RUFY3: variants seen among roughly 807,000 people sequenced by gnomAD.
The protein encoded by RUFY3 is RUN and FYVE domain containing 3.
Under a neutral mutation model 84.0 loss-of-function variants are expected in RUFY3, and 34 were observed. The observed-to-expected ratio is 0.40, with a 90% CI of 0.31 to 0.54. The LOEUF (loss-of-function observed/expected upper bound fraction) is 0.54, where lower values mean the gene tolerates loss of function less well. Ranked by LOEUF, RUFY3 falls within the 20% of genes least tolerant of loss-of-function variation. The probability of loss-of-function intolerance (pLI) is 0.39; values close to 1 mark genes in which losing one functional copy is unlikely to be tolerated. For synonymous variants in RUFY3, 242 were observed against 252.9 expected, an observed-to-expected ratio of 0.96 and a Z score of 0.41; for missense variants, 507 against 736.8, an observed-to-expected ratio of 0.69 and a Z score of 3.61.
chr4:70,786,589 T>C (rs549763171), intron 10 of RUFY3, among the ~76,000 whole-genome samples: 10 of 152,304 alleles, frequency 6.6e-5, no homozygotes, highest in African/African-American at 2.2e-4. Flanking sequence ...TTTAAGATGA[T>C]AGATACATTC....
chr4:70,764,722 A>G, intron 4 of RUFY3, 146 bp downstream of exon 4: 2 of 587,978 alleles, frequency 3.4e-6, no homozygotes, highest in Non-Finnish European at 3.0e-6. Context: ...CCTCACACAC[A>G]TATCCTCCCA....
intron 1 of RUFY3, among the ~76,000 whole-genome samples, chr4:70,740,518 TAG>T (rs1721164918): frequency 6.6e-6 from 1 of 152,172 alleles, no homozygotes; most frequent in Non-Finnish European, 1.5e-5. Context: ...AGGTGACAAA[TAG>T]AGTTTCTAAT....
chr4:70,766,899 C>T (rs1413469835), intron 4 of RUFY3, among the ~76,000 whole-genome samples: 1 of 152,112 alleles, frequency 6.6e-6, no homozygotes, highest in African/African-American at 2.4e-5. Flanking sequence ...ATCTCTCTGT[C>T]CTCCAACCCC....
chr4:70,795,758 A>G (rs543278048), intron 14 of RUFY3, among the ~76,000 whole-genome samples: 1 of 152,330 alleles, frequency 6.6e-6, no homozygotes, highest in Admixed American at 6.5e-5. Flanking sequence ...TAGGAATTTA[A>G]TCATATCAAT....
chr4:70,717,191 G>A (rs541069650), upstream of RUFY3, among the ~76,000 whole-genome samples: 35 of 152,268 alleles, frequency 2.3e-4, no homozygotes, highest in African/African-American at 7.7e-4. Flanking sequence ...TTTAAAAAGC[G>A]TACAATGCAT....
At chr4:70,785,558 G>A (rs1224338884) in intron 10 of RUFY3, among the ~76,000 whole-genome samples, 1 of 152,096 alleles carries the variant, frequency 6.6e-6, no homozygotes, top group African/African-American at 2.4e-5. Flanking sequence ...GCCAGGCACA[G>A]TGGCTCACAC....
Position 70,722,526 on chromosome 4 carries a change from T to C in RUFY3, c.-48T>C. 6.4e-7 allele frequency: 1 copy of C among 1,565,128 alleles called. No individual in the cohort carries two copies. ...TATTTATTTTTTTGGTGTGTGTGTG[T>C]GAGTGTGTGTGTGTCTGTGTGTGTG... is the stretch of plus-strand genomic sequence containing the variant. On this transcript the variant is annotated 5_prime_UTR_variant, in exon 1 of 18. Transcript: ENST00000381006.
At chr4:70,803,257 T>C (rs16845457) in intron 16 of RUFY3, 1 of 341,648 alleles carries the variant, frequency 2.9e-6, no homozygotes, top group East Asian at 4.5e-5. Flanking sequence ...TTTCCTCTAG[T>C]TTTTCCTTAC....
At chr4:70,806,482 C>T in intron 17 of RUFY3, 34 bp from the exon 18 acceptor site, 2 of 1,611,916 alleles carry the variant, frequency 1.2e-6, no homozygotes, top group Non-Finnish European at 1.7e-6. Context: ...CCTTGCTCAT[C>T]TTCTATTCCC....
chr4:70,713,302 C>A (rs947531101), intron 1 of RUFY3, among the ~76,000 whole-genome samples: 8 of 152,294 alleles, frequency 5.3e-5, no homozygotes, highest in Non-Finnish European at 8.8e-5. Context: ...GGATTACAGG[C>A]GTGAGCCACC....
exon 1 of RUFY3, chr4:70,704,837 G>A: frequency 1.3e-6 from 1 of 760,836 alleles, no homozygotes; most frequent in Non-Finnish European, 1.8e-6. Context: ...CGGCGGCGGC[G>A]CAGCGGACGG....
Position 70,722,096 on chromosome 4 carries a change from T to C in RUFY3, c.-478T>C. ...GCAGCTCAGGATTTTTTTTTTAAGCTACATTGAAAATATAGGTTTATTTTT... is the reference window on the plus strand; with the variant it reads ...GCAGCTCAGGATTTTTTTTTTAAGCCACATTGAAAATATAGGTTTATTTTT... On this transcript the variant is annotated 5_prime_UTR_variant, in exon 1 of 18. Transcript: ENST00000381006. 8.1e-7 allele frequency: 1 copy of C among 1,231,982 alleles called. No individual in the cohort carries two copies. The allele number at this position is 1,231,982 out of a possible 1,614,324, so 76.3% of individuals were successfully genotyped here.
At chr4:70,806,163 A>G (rs1256953684) in intron 17 of RUFY3, among the ~76,000 whole-genome samples, 3 of 152,192 alleles carry the variant, frequency 2.0e-5, no homozygotes, top group African/African-American at 7.2e-5. Flanking sequence ...TTGCTCTTTC[A>G]CTGCCTTATT....
At chr4:70,716,586 G>A (rs1343907299) in intron 1 of RUFY3, among the ~76,000 whole-genome samples, 1 of 152,096 alleles carries the variant, frequency 6.6e-6, no homozygotes, top group Non-Finnish European at 1.5e-5. Context: ...GCTCATGCCT[G>A]TAATTCCAGC....
chr4:70,804,308 TG>T, intron 16 of RUFY3, 39 bp from the exon 17 acceptor site: 1 of 1,537,290 alleles, frequency 6.5e-7, no homozygotes, highest in Non-Finnish European at 9.0e-7. Context: ...CTAATATTTC[TG>T]GCACTAAGAA....
At chr4:70,765,073 A>G (rs1180809996) in intron 4 of RUFY3, among the ~76,000 whole-genome samples, 1 of 151,706 alleles carries the variant, frequency 6.6e-6, no homozygotes, top group African/African-American at 2.4e-5. Flanking sequence ...CTGTAATCCC[A>G]GCTACTTGGG....
chr4:70,718,412 G>A (rs1043564434), upstream of RUFY3, among the ~76,000 whole-genome samples: 2 of 152,116 alleles, frequency 1.3e-5, no homozygotes, highest in African/African-American at 2.4e-5. Flanking sequence ...AATACAGACT[G>A]TTTAAGCAGC....
upstream of RUFY3, chr4:70,703,781 A>C (rs1739947338): frequency 6.6e-6 from 1 of 152,274 alleles, no homozygotes; most frequent in African/African-American, 2.4e-5. Flanking sequence ...AAAAATGTTT[A>C]CTTTTCCTTT....
intron 1 of RUFY3, among the ~76,000 whole-genome samples, chr4:70,716,850 AAAAAAAAAAAAG>A (rs1262927032): frequency 4.0e-5 from 6 of 149,846 alleles, no homozygotes; most frequent in Admixed American, 7.0e-5. Flanking sequence ...TGTCTCAAAA[AAAAAAAAAAAAG>A]AAAAGAAAAG....
Sources: gnomAD v4.1 joint callset for allele counts (sites outside exome capture counted in the v4.1 genomes callset) on GRCh38, gnomAD v4.1.1 for gene constraint, MANE v1.5 for transcripts, NCBI Gene and HGNC (gene_info 2026-07-23, HGNC 2026-07-21) for gene names.